ATP8A1: variants seen among roughly 807,000 people sequenced by gnomAD.
ATP8A1 encodes phospholipid-transporting ATPase IA.
In ATP8A1, 90 loss-of-function variants were observed where a neutral mutation model predicts 177.7. The observed-to-expected ratio is 0.51, with a 90% CI of 0.43 to 0.60. ATP8A1 has a LOEUF of 0.60. Ranked by LOEUF, ATP8A1 falls within the 20% of genes least tolerant of loss-of-function variation. The pLI is 0.00. For synonymous variants in ATP8A1, 493 were observed against 485.9 expected, an observed-to-expected ratio of 1.01 and a Z score of -0.19; for missense variants, 1,072 against 1,392.8, an observed-to-expected ratio of 0.77 and a Z score of 3.67.
chr4:42,579,936 T>G lies in ATP8A1; in HGVS notation c.877A>C (p.Ile293Leu). Residue 293 changes from isoleucine (I) to leucine (L), a missense_variant, in exon 11 of 37, where the codon ATT becomes CTT. Transcript: ENST00000381668. Reference protein sequence around the residue: ...PPLKLSNVERITNVQILILFC... With the variant: ...PPLKLSNVERLTNVQILILFC... Reference sequence around the variant, plus strand: ...AAAATCAAAATTTGTACATTTGTAATCCGTTCCACATTTGAGAGCTTAAGT... The same window carrying G: ...AAAATCAAAATTTGTACATTTGTAAGCCGTTCCACATTTGAGAGCTTAAGT... The G allele has an allele frequency of 6.2e-7, 1 of 1,612,214 alleles. No individual in the cohort carries two copies. Among genetic ancestry groups the G allele is most frequent in the Non-Finnish European group, 8.5e-7 (1 of 1,178,824 alleles).
At chr4:42,553,651 G>A (rs1346778563) in intron 16 of ATP8A1, among the ~76,000 whole-genome samples, 2 of 152,060 alleles carry the variant, frequency 1.3e-5, no homozygotes, top group Non-Finnish European at 2.9e-5. Context: ...GAAGTGACTA[G>A]GGAGATATAT....
At chr4:42,468,731 G>T (rs1720086329) in intron 25 of ATP8A1, among the ~76,000 whole-genome samples, 1 of 152,008 alleles carries the variant, frequency 6.6e-6, no homozygotes, top group South Asian at 2.1e-4. Context: ...CGGGTGATGG[G>T]TACACAAAAT....
At chr4:42,455,492 T>C in intron 28 of ATP8A1, 33 bp downstream of exon 28, 1 of 1,613,548 alleles carries the variant, frequency 6.2e-7, no homozygotes, top group South Asian at 1.1e-5. Flanking sequence ...AAGTATTCAA[T>C]GAAACAGGAA....
chr4:42,502,675 C>T (rs1723972926), intron 24 of ATP8A1, among the ~76,000 whole-genome samples: 1 of 152,174 alleles, frequency 6.6e-6, no homozygotes, highest in Admixed American at 6.5e-5. Context: ...CAACACCATC[C>T]CTTCTGCAGT....
chr4:42,462,607 C>T (rs12506030), intron 27 of ATP8A1, among the ~76,000 whole-genome samples: 23,366 of 152,234 alleles, frequency 0.15, 2,223 homozygotes, highest in South Asian at 0.24. Context: ...GCTCTCATGG[C>T]GAACCACTGT....
chr4:42,601,398 G>T (rs1391461730), intron 5 of ATP8A1, among the ~76,000 whole-genome samples: 7 of 150,768 alleles, frequency 4.6e-5, no homozygotes, highest in African/African-American at 1.5e-4. Context: ...AGAAGAAGAG[G>T]CTACTATTAA....
In ATP8A1 at chr4:42,435,678, C is replaced by T. The variant is rs146159566; in HGVS notation, c.3123+7887G>A. 6.4e-4 allele frequency among the ~76,000 whole-genome samples: 97 copies of T among 152,260 alleles called. 1 individual carries two copies. Among genetic ancestry groups the T allele is most frequent in the African/African-American group, 2.2e-3 (90 of 41,556 alleles). ...TCTCCAGCTCTCTCTGCTGCAGTCA[C>T]GGGCCTTGTGTTTGGATGGAAAATC... On this transcript the variant is annotated intron_variant, in intron 33 of 36. Coordinates refer to ENST00000381668, the MANE Select transcript of ATP8A1 (RefSeq NM_006095.2).
intron 31 of ATP8A1, among the ~76,000 whole-genome samples, chr4:42,445,300 T>C (rs984418993): frequency 6.6e-6 from 1 of 152,196 alleles, no homozygotes. Flanking sequence ...CGTTATCACT[T>C]AGCTATTGTG....
At chr4:42,414,568 A>G (rs1713004271) in intron 36 of ATP8A1, 59 bp downstream of exon 36, 1 of 1,397,432 alleles carries the variant, frequency 7.2e-7, no homozygotes, top group Admixed American at 1.7e-5. Context: ...TACTGTATAA[A>G]TGCTATGATA....
At chr4:42,515,142 G>A (rs923859788) in intron 22 of ATP8A1, among the ~76,000 whole-genome samples, 5 of 152,164 alleles carry the variant, frequency 3.3e-5, no homozygotes, top group African/African-American at 1.2e-4. Flanking sequence ...TGAAAATTGC[G>A]GAGCTTAGTA....
chr4:42,610,588 A>G (rs1239079506), intron 5 of ATP8A1, among the ~76,000 whole-genome samples: 2 of 151,892 alleles, frequency 1.3e-5, no homozygotes, highest in African/African-American at 2.4e-5. Context: ...TGTGCAAAAA[A>G]AAAAAAAAAA....
chr4:42,525,665 C>G (rs1280277732), intron 20 of ATP8A1, among the ~76,000 whole-genome samples: 1 of 152,134 alleles, frequency 6.6e-6, no homozygotes, highest in African/African-American at 2.4e-5. Flanking sequence ...TATTATGCAG[C>G]TTTGGTTTAG....
At chr4:42,471,834 G>A in intron 25 of ATP8A1, 2 of 562,616 alleles carry the variant, frequency 3.6e-6, no homozygotes, top group South Asian at 1.5e-5. Context: ...CACCAAGACT[G>A]TGAAGCCCAA....
At chr4:42,485,235 T>C (rs902385009) in intron 25 of ATP8A1, among the ~76,000 whole-genome samples, 3 of 152,094 alleles carry the variant, frequency 2.0e-5, no homozygotes, top group Non-Finnish European at 4.4e-5. Flanking sequence ...GAAATGCAGG[T>C]AGATAATGAA....
At chr4:42,578,700 T>A (rs1011481877) in intron 11 of ATP8A1, among the ~76,000 whole-genome samples, 3 of 152,138 alleles carry the variant, frequency 2.0e-5, no homozygotes, top group Admixed American at 6.5e-5. Context: ...TTTATAAATA[T>A]AAAATCTCAA....
In ATP8A1 at chr4:42,524,781, CTAAA is replaced by C; in HGVS notation, c.1785_1788del (p.His595GlnfsTer9). 1 of 1,608,634 alleles carries C rather than the reference CTAAA, an allele frequency of 6.2e-7. No individual in the cohort carries two copies. The highest frequency in any genetic ancestry group is 8.5e-7 in the Non-Finnish European group (1 of 1,177,366). On this transcript the variant is annotated frameshift_variant, in exon 21 of 37. Transcript: ENST00000381668. LOFTEE classifies it high-confidence loss of function. The stretch of plus-strand genomic sequence containing the variant: ...CACTTACCTTCTGTAGCAAACTGCT[CTAAA>C]TGTTTTAGGGTAATTTCTTTGTATT...
chr4:42,507,210 C>CA lies in ATP8A1; in HGVS notation c.1948-57dup, dbSNP rs1470453388. On this transcript the variant is annotated intron_variant, in intron 22 of 36. Coordinates refer to ENST00000381668, the MANE Select transcript of ATP8A1 (RefSeq NM_006095.2). ...AAAATCCGTTCATATTCTTTAAAAA[C>CA]AAAAAATTGAAGTGTGTATATGTTT... 12 of 1,565,456 alleles carry CA rather than the reference C, an allele frequency of 7.7e-6. No homozygotes were observed. The African/African-American group carries it at 8.2e-5, about 11-fold the overall frequency.
chr4:42,422,162 G>T (rs1407327559), intron 35 of ATP8A1, among the ~76,000 whole-genome samples: 1 of 152,054 alleles, frequency 6.6e-6, no homozygotes, highest in Non-Finnish European at 1.5e-5. Context: ...CTTGATTTCG[G>T]CTCACTACAA....
intron 1 of ATP8A1, among the ~76,000 whole-genome samples, chr4:42,646,409 T>C (rs1211016452): frequency 2.0e-5 from 3 of 152,208 alleles, no homozygotes; most frequent in Non-Finnish European, 4.4e-5. Flanking sequence ...GGACTAAATC[T>C]ATGTGGGATT....
Sources: gnomAD v4.1 joint callset for allele counts (sites outside exome capture counted in the v4.1 genomes callset) on GRCh38, gnomAD v4.1.1 for gene constraint, MANE v1.5 for transcripts, NCBI Gene and HGNC (gene_info 2026-07-23, HGNC 2026-07-21) for gene names.